IKZF2: variants seen among roughly 807,000 people sequenced by gnomAD.
The protein encoded by IKZF2 is zinc finger protein Helios.
A neutral mutation model predicts 49.2 loss-of-function variants in IKZF2; 15 were observed. The observed-to-expected ratio is 0.30, with a 90% CI of 0.20 to 0.47. The LOEUF is 0.47. Ranked by LOEUF, IKZF2 falls within the 20% of genes least tolerant of loss-of-function variation. The pLI is 1.00. For synonymous variants in IKZF2, 227 were observed against 221.4 expected (o/e 1.03, Z -0.23); for missense variants, 567 against 664.6 (o/e 0.85, Z 1.61).
At chr2:213,136,444 T>C (rs1385451437) in intron 4 of IKZF2, among the ~76,000 whole-genome samples, 1 of 151,530 alleles carries the variant, frequency 6.6e-6, no homozygotes, top group African/African-American at 2.4e-5. Context: ...GAAAATACCT[T>C]ATATTTTGAC....
At position 213,049,893 on chromosome 2, in the gene IKZF2, G is replaced by A. The variant is rs1304842269; in HGVS notation, c.407-13C>T. The A allele has an allele frequency of 6.5e-7, 1 of 1,527,782 alleles. No individual in the cohort carries two copies. The highest frequency in any genetic ancestry group is 8.9e-7 in the Non-Finnish European group (1 of 1,128,268). 94.6% of individuals were successfully genotyped at this position (1,527,782 alleles called of 1,614,324 possible). ...AAGGGGCGTTCACCTGCAGTAAGGA[G>A]AAGAAATGGGAAGTATCAACTAGGG... On this transcript the variant is annotated splice_polypyrimidine_tract_variant and intron_variant, in intron 5 of 8. Transcript: ENST00000434687.
At position 213,002,122 on chromosome 2, in the gene IKZF2, T is replaced by C. The variant is rs1183954620; in HGVS notation, c.*5238A>G. 6.6e-6 allele frequency: 1 copy of C among 151,538 alleles called. No homozygotes were observed. The highest frequency in any genetic ancestry group is 1.5e-5 in the Non-Finnish European group (1 of 67,572). 9.4% of individuals were successfully genotyped at this position (151,538 alleles called of 1,614,324 possible). On this transcript the variant is annotated 3_prime_UTR_variant, in exon 9 of 9. Transcript: ENST00000434687. ...TTTGTACCTATATGAACTTATATGC[T>C]GTACTTTATGTGACTTAGCAGAGGG...
At chr2:213,089,282 C>T (rs1705027949) in intron 4 of IKZF2, among the ~76,000 whole-genome samples, 1 of 152,166 alleles carries the variant, frequency 6.6e-6, no homozygotes. Flanking sequence ...TCACCACCCC[C>T]ACTGCTCCTG....
Position 213,005,133 on chromosome 2 carries a change from T to G in IKZF2, c.*2227A>C, listed in dbSNP as rs1200497088. On this transcript the variant is annotated 3_prime_UTR_variant, in exon 9 of 9. Coordinates refer to ENST00000434687, the MANE Select transcript of IKZF2 (RefSeq NM_001387220.1). ...ACAAAATTGTGAACCTTAAAATTAT[T>G]TACCTCATCCAAAAGGAAAAAAAAT... The G allele has an allele frequency of 1.5e-5, 2 of 137,338 alleles. No individual in the cohort carries two copies. Among genetic ancestry groups the G allele is most frequent in the African/African-American group, 5.3e-5 (2 of 37,758 alleles). 8.5% of individuals were successfully genotyped at this position (137,338 alleles called of 1,614,324 possible).
chr2:213,108,824 T>C (rs1296104679), intron 4 of IKZF2, among the ~76,000 whole-genome samples: 1 of 152,012 alleles, frequency 6.6e-6, no homozygotes. Context: ...GTAAAATCTA[T>C]AAAAGTATAA....
chr2:213,043,835 G>A (rs1245914000), intron 6 of IKZF2, among the ~76,000 whole-genome samples: 1 of 152,214 alleles, frequency 6.6e-6, no homozygotes, highest in African/African-American at 2.4e-5. Flanking sequence ...GGCTCAATTT[G>A]TAAGAGGCCA....
chr2:213,062,425 A>T (rs1021768823), intron 4 of IKZF2, among the ~76,000 whole-genome samples: 16 of 151,808 alleles, frequency 1.1e-4, no homozygotes, highest in African/African-American at 3.6e-4. Flanking sequence ...TAAGCTTTCT[A>T]GTTTAATTTC....
intron 4 of IKZF2, among the ~76,000 whole-genome samples, chr2:213,143,035 G>GA (rs2060926540): frequency 2.0e-5 from 3 of 151,746 alleles, no homozygotes; most frequent in Non-Finnish European, 4.4e-5. Flanking sequence ...GATAAGAAGG[G>GA]AAAAAAGTAA....
Position 213,006,627 on chromosome 2 carries a change from G to C in IKZF2, c.*733C>G, listed in dbSNP as rs1056418113. The C allele has an allele frequency of 1.3e-5, 2 of 152,360 alleles. No individual in the cohort carries two copies. Among genetic ancestry groups the C allele is most frequent in the African/African-American group, 4.8e-5 (2 of 41,446 alleles). The allele number at this position is 152,360 out of a possible 1,614,324, so 9.4% of individuals were successfully genotyped here. A position where few individuals can be genotyped will look rare whatever the true frequency, so the allele number is the denominator to read the frequency against. On this transcript the variant is annotated 3_prime_UTR_variant, in exon 9 of 9. Transcript: ENST00000434687. ...AAAGGTGTTAAAAGTAAGGCTGCCA[G>C]GGTGTCTATAAAATGCCAGTCATCA...
intron 4 of IKZF2, among the ~76,000 whole-genome samples, chr2:213,102,840 C>T (rs375572759): frequency 1.3e-5 from 2 of 151,938 alleles, no homozygotes; most frequent in Non-Finnish European, 2.9e-5. Flanking sequence ...GTAAGCAAAA[C>T]AGCAAGCATG....
At chr2:213,124,253 CACACACACA>C (rs2060172220) in intron 4 of IKZF2, among the ~76,000 whole-genome samples, 1 of 24,240 alleles carries the variant, frequency 4.1e-5, no homozygotes. Context: ...CGCGCGCGCG[CACACACACA>C]CACACACACA....
At chr2:213,069,010 C>A (rs1702422387) in intron 4 of IKZF2, among the ~76,000 whole-genome samples, 1 of 151,668 alleles carries the variant, frequency 6.6e-6, no homozygotes, top group African/African-American at 2.4e-5. Context: ...GCATAAAGTC[C>A]TTGACTCAAA....
At chr2:213,095,266 A>G (rs925365254) in intron 4 of IKZF2, among the ~76,000 whole-genome samples, 2 of 152,156 alleles carry the variant, frequency 1.3e-5, no homozygotes, top group Admixed American at 6.5e-5. Flanking sequence ...ACATATCATT[A>G]AATTAAAAAT....
chr2:213,007,867 G>C lies in IKZF2; in HGVS notation c.1074C>G (p.Val358=). 1 of 1,613,544 alleles carries C rather than the reference G, an allele frequency of 6.2e-7. No individual in the cohort carries two copies. ...GTCTTTCTATCCTATTTGGATGATA[G>C]ACCTGAGAATAAGCTGAGCTTATAA... ...APVISSAYSQ[V]YHPNRIERPI... is the part of the protein sequence containing the mutation. Residue 358 remains valine (V), a synonymous_variant, in exon 9 of 9, where the codon GTC becomes GTG. Coordinates refer to ENST00000434687, the MANE Select transcript of IKZF2 (RefSeq NM_001387220.1).
rs1174324767 is a variant in IKZF2 at position 213,049,973 on chromosome 2, C to T, written c.407-93G>A. ...TGTTAACCAAAGCCAGTTCTCTATG[C>T]TAAAAATGTTCATCTCCCTCATAAG... On this transcript the variant is annotated intron_variant, in intron 5 of 8. Transcript: ENST00000434687. 1.1e-5 allele frequency: 10 copies of T among 874,426 alleles called. No homozygotes were observed. The East Asian group carries it at 2.4e-4, about 21-fold the overall frequency. 54.2% of individuals were successfully genotyped at this position (874,426 alleles called of 1,614,324 possible). A position where few individuals can be genotyped will look rare whatever the true frequency, so the allele number is the denominator to read the frequency against.
chr2:213,022,266 A>C, intron 6 of IKZF2, 136 bp from the exon 7 acceptor site: 3 of 780,538 alleles, frequency 3.8e-6, no homozygotes, highest in Non-Finnish European at 3.8e-6. Context: ...TTTACATTCC[A>C]ATTTTGGTAA....
At chr2:213,152,294 T>G (rs2061305148), upstream of IKZF2, 1 of 152,170 alleles carries the variant, frequency 6.6e-6, no homozygotes, top group Non-Finnish European at 1.5e-5. Flanking sequence ...TCGGGGAGTG[T>G]GCGTGGAGCC....
At chr2:213,008,617 G>A (rs1181100414) in intron 8 of IKZF2, among the ~76,000 whole-genome samples, 5 of 152,060 alleles carry the variant, frequency 3.3e-5, no homozygotes, top group Non-Finnish European at 7.4e-5. Flanking sequence ...TCATGAGAAT[G>A]CATCTAGTCT....
chr2:213,090,333 T>C (rs1483759187), intron 4 of IKZF2, among the ~76,000 whole-genome samples: 1 of 152,196 alleles, frequency 6.6e-6, no homozygotes, highest in Non-Finnish European at 1.5e-5. Context: ...TATGCAGAAG[T>C]CAAGGCTGGT....
Sources: allele counts gnomAD v4.1 joint callset (sites outside exome capture counted in the v4.1 genomes callset), GRCh38; gene constraint gnomAD v4.1.1; transcripts MANE v1.5; gene names NCBI Gene and HGNC (gene_info 2026-07-23, HGNC 2026-07-21).